CDH18: variants seen among roughly 807,000 people sequenced by gnomAD.
The protein encoded by CDH18 is cadherin-18.
A neutral mutation model predicts 67.9 loss-of-function variants in CDH18; 31 were observed. The observed-to-expected ratio is 0.46, with a 90% CI of 0.34 to 0.62. The LOEUF is 0.62. Ranked by LOEUF, CDH18 falls within the 20% of genes least tolerant of loss-of-function variation. The pLI, the probability that CDH18 is intolerant of heterozygous loss-of-function variation, is 0.01. For missense variants in CDH18, 890 were observed against 975.5 expected, an observed-to-expected ratio of 0.91 and a Z score of 1.17; for synonymous variants, 362 against 347.2, an observed-to-expected ratio of 1.04 and a Z score of -0.48.
chr5:19,995,318 A>C (rs1735919257), intron 2 of CDH18, among the ~76,000 whole-genome samples: 1 of 152,166 alleles, frequency 6.6e-6, no homozygotes, highest in Non-Finnish European at 1.5e-5. Flanking sequence ...TCAGGCATAT[A>C]GTAAAATGTA....
At chr5:19,792,168 T>C (rs1776431068) in intron 3 of CDH18, among the ~76,000 whole-genome samples, 2 of 152,002 alleles carry the variant, frequency 1.3e-5, no homozygotes, top group South Asian at 4.2e-4. Flanking sequence ...GTAGATAGAG[T>C]AAAAAAGATC....
intron 11 of CDH18, among the ~76,000 whole-genome samples, chr5:19,498,240 A>G (rs995162356): frequency 6.6e-6 from 1 of 152,198 alleles, no homozygotes; most frequent in African/African-American, 2.4e-5. Flanking sequence ...AAGACACTGT[A>G]TCTTCCAAGG....
intron 2 of CDH18, among the ~76,000 whole-genome samples, chr5:19,958,771 C>T (rs569243976): frequency 6.6e-6 from 1 of 152,036 alleles, no homozygotes; most frequent in South Asian, 2.1e-4. Context: ...AAGTAACAAA[C>T]GAGACATGAG....
At chr5:20,041,647 G>T (rs981385851) in intron 2 of CDH18, among the ~76,000 whole-genome samples, 4 of 152,296 alleles carry the variant, frequency 2.6e-5, no homozygotes, top group Admixed American at 6.5e-5. Flanking sequence ...GTATTTTCCA[G>T]TGATGATCTC....
At chr5:19,492,121 A>G (rs1438558712) in intron 11 of CDH18, among the ~76,000 whole-genome samples, 1 of 152,148 alleles carries the variant, frequency 6.6e-6, no homozygotes, top group East Asian at 1.9e-4. Context: ...GTGATTTAGA[A>G]CCCTGTAAAC....
chr5:20,471,140 C>T (rs921773687), intron 1 of CDH18, among the ~76,000 whole-genome samples: 1 of 152,110 alleles, frequency 6.6e-6, no homozygotes, highest in African/African-American at 2.4e-5. Flanking sequence ...TGTAAGGTTG[C>T]ATGTGGGCTC....
intron 1 of CDH18, among the ~76,000 whole-genome samples, chr5:20,289,220 T>C (rs1307876198): frequency 6.6e-6 from 1 of 152,022 alleles, no homozygotes; most frequent in Non-Finnish European, 1.5e-5. Flanking sequence ...AAATATATAG[T>C]AACTCATTTA....
chr5:20,186,931 G>A (rs958203268), intron 2 of CDH18, among the ~76,000 whole-genome samples: 2 of 151,872 alleles, frequency 1.3e-5, no homozygotes, highest in Admixed American at 6.6e-5. Context: ...ACAAAATGTG[G>A]TGTATATGTA....
chr5:20,142,904 T>C (rs543131334), intron 2 of CDH18, among the ~76,000 whole-genome samples: 1 of 152,316 alleles, frequency 6.6e-6, no homozygotes, highest in East Asian at 1.9e-4. Context: ...TAGGAGTTTG[T>C]TAACACAACT....
At chr5:20,138,460 G>A (rs1176293949) in intron 2 of CDH18, among the ~76,000 whole-genome samples, 4 of 152,060 alleles carry the variant, frequency 2.6e-5, no homozygotes, top group Non-Finnish European at 5.9e-5. Flanking sequence ...GGAAGTTCTG[G>A]CCAGGACAAT....
At chr5:20,194,865 C>G (rs897638086) in intron 2 of CDH18, among the ~76,000 whole-genome samples, 8 of 151,974 alleles carry the variant, frequency 5.3e-5, no homozygotes, top group African/African-American at 1.9e-4. Context: ...CATTTCATCA[C>G]CATAACTTCA....
chr5:19,541,767 C>T (rs745668115), intron 9 of CDH18, among the ~76,000 whole-genome samples: 35 of 152,040 alleles, frequency 2.3e-4, no homozygotes, highest in Non-Finnish European at 4.6e-4. Flanking sequence ...TGGGTCCCTC[C>T]GATGACAGGT....
intron 1 of CDH18, among the ~76,000 whole-genome samples, chr5:20,412,347 TA>T (rs746034287): frequency 6.6e-6 from 1 of 152,142 alleles, no homozygotes; most frequent in Non-Finnish European, 1.5e-5. Flanking sequence ...ACGTATCTCC[TA>T]ACATAAACCA....
intron 2 of CDH18, among the ~76,000 whole-genome samples, chr5:20,231,721 A>G (rs1264392581): frequency 6.6e-6 from 1 of 152,194 alleles, no homozygotes; most frequent in Non-Finnish European, 1.5e-5. Flanking sequence ...GTGTAAACTA[A>G]AAATATTGCA....
At chr5:20,137,165 C>T (rs969156854) in intron 2 of CDH18, among the ~76,000 whole-genome samples, 17 of 152,110 alleles carry the variant, frequency 1.1e-4, no homozygotes, top group African/African-American at 4.1e-4. Flanking sequence ...CGGGTAATAT[C>T]CTGAAGAGTG....
chr5:19,507,646 A>G (rs1579886672), intron 10 of CDH18, among the ~76,000 whole-genome samples: 1 of 152,152 alleles, frequency 6.6e-6, no homozygotes, highest in East Asian at 1.9e-4. Flanking sequence ...TGAGCAAACT[A>G]TCGCAAGGAC....
At chr5:20,411,542 C>A (rs6865844) in intron 1 of CDH18, among the ~76,000 whole-genome samples, 78,918 of 151,722 alleles carry the variant, frequency 0.52, 21,096 homozygotes, top group Middle Eastern at 0.62. Context: ...GGCAACGAAT[C>A]CATGGATTTC....
intron 2 of CDH18, among the ~76,000 whole-genome samples, chr5:19,897,193 C>T (rs1789441236): frequency 1.3e-5 from 2 of 151,904 alleles, no homozygotes. Context: ...ATTTATATGA[C>T]AAATTCCTCA....
chr5:20,418,016 C>T (rs183377499), intron 1 of CDH18, among the ~76,000 whole-genome samples: 15 of 152,140 alleles, frequency 9.9e-5, no homozygotes, highest in East Asian at 9.7e-4. Flanking sequence ...AAATGAGGAA[C>T]GGGGAAGTTG....
Sources: gnomAD v4.1 joint callset for allele counts (sites outside exome capture counted in the v4.1 genomes callset) on GRCh38, gnomAD v4.1.1 for gene constraint, MANE v1.5 for transcripts, NCBI Gene and HGNC (gene_info 2026-07-23, HGNC 2026-07-21) for gene names.